Variants in PLA2R1 observed in about 807,000 individuals in gnomAD.
PLA2R1 encodes the protein phospholipase A2 receptor 1.
In PLA2R1, 158 loss-of-function variants were observed where a neutral mutation model predicts 195.9. The ratio of observed to expected loss-of-function variants is 0.81; its 90% confidence interval spans 0.71 to 0.92. The LOEUF (loss-of-function observed/expected upper bound fraction) is 0.92. Ranked by LOEUF, PLA2R1 falls within the 40% of genes least tolerant of loss-of-function variation. The probability of loss-of-function intolerance (pLI) is 0.00; values close to 1 mark genes in which losing one functional copy is unlikely to be tolerated. For synonymous variants in PLA2R1, 586 were observed against 598.2 expected, an observed-to-expected ratio of 0.98 and a Z score of 0.30; for missense variants, 1,626 against 1,764.6, an observed-to-expected ratio of 0.92 and a Z score of 1.41.
At chr2:160,060,823 G>T (rs530019990) in intron 1 of PLA2R1, among the ~76,000 whole-genome samples, 2 of 152,290 alleles carry the variant, frequency 1.3e-5, no homozygotes, top group South Asian at 2.1e-4. Context: ...ACCACCTAGT[G>T]CCCAGGCAAA....
intron 3 of PLA2R1, among the ~76,000 whole-genome samples, chr2:160,036,355 AGTTCTTAGGAGTGAGAAGTCCTACTCCTG>A (rs1237194605): frequency 1.3e-5 from 2 of 152,158 alleles, no homozygotes; most frequent in African/African-American, 4.8e-5. Context: ...CTAGCCTCCA[AGTTCTTAGGAGTGAGAAGTCCTACTCCTG>A]GTTAAAAACC....
At chr2:159,958,560 A>G (rs958726614) in intron 20 of PLA2R1, among the ~76,000 whole-genome samples, 13 of 152,140 alleles carry the variant, frequency 8.5e-5, no homozygotes, top group African/African-American at 3.1e-4. Flanking sequence ...CAGAGAGACT[A>G]AGTCTTACTC....
chr2:159,926,637 T>C, the PLA2R1 span, among the ~76,000 whole-genome samples: 1 of 152,204 alleles, frequency 6.6e-6, no homozygotes, highest in Non-Finnish European at 1.5e-5. Context: ...AAGCTTGCTG[T>C]ATAAGTAGGG....
At chr2:159,993,088 A>C (rs190770314) in intron 11 of PLA2R1, among the ~76,000 whole-genome samples, 4 of 152,270 alleles carry the variant, frequency 2.6e-5, no homozygotes, top group Admixed American at 2.0e-4. Context: ...TTCACCATAG[A>C]GCAACCTCCA....
intron 27 of PLA2R1, chr2:159,946,114 T>C (rs1195969761): frequency 1.3e-6 from 1 of 781,478 alleles, no homozygotes; most frequent in African/African-American, 1.9e-5. Flanking sequence ...GTGTGGGCAA[T>C]AGTGTATTGT....
intron 4 of PLA2R1, among the ~76,000 whole-genome samples, chr2:160,029,898 G>C (rs1273227923): frequency 6.6e-6 from 1 of 152,236 alleles, no homozygotes; most frequent in Non-Finnish European, 1.5e-5. Flanking sequence ...ACCTGATTCA[G>C]AGCCCAATTT....
chr2:160,013,675 T>TTCTCTCTCTCTCTCTCTCTC (rs1194944207), intron 9 of PLA2R1, among the ~76,000 whole-genome samples: 1 of 65,652 alleles, frequency 1.5e-5, no homozygotes, highest in Non-Finnish European at 4.0e-5. Flanking sequence ...ACCTCTCTCT[T>TTCTCTCTCTCTCTCTCTCTC]TCTCTCTCTC....
At chr2:160,026,167 A>C (rs1345766814) in intron 6 of PLA2R1, among the ~76,000 whole-genome samples, 1 of 152,220 alleles carries the variant, frequency 6.6e-6, no homozygotes, top group Non-Finnish European at 1.5e-5. Context: ...AAAAAATAGT[A>C]AAAAAGTAAA....
intron 1 of PLA2R1, among the ~76,000 whole-genome samples, chr2:160,050,868 G>T (rs1362057757): frequency 6.6e-6 from 1 of 152,184 alleles, no homozygotes; most frequent in Non-Finnish European, 1.5e-5. Context: ...CAGACTGGAG[G>T]TACCTAGAGG....
intron 20 of PLA2R1, among the ~76,000 whole-genome samples, chr2:159,966,971 T>C (rs1688829662): frequency 6.6e-6 from 1 of 152,130 alleles, no homozygotes; most frequent in Non-Finnish European, 1.5e-5. Flanking sequence ...CAAATCTGCA[T>C]GGAAGCACCA....
chr2:160,037,862 T>C lies in PLA2R1; in HGVS notation c.667+4163A>G, dbSNP rs893498651. ...CTTGTAATACTGTATTTTCTTAAGG[T>C]AGAACTTATGACAAACTGTAATTAT... On this transcript the variant is annotated intron_variant, in intron 3 of 29. Transcript: ENST00000283243. Among the ~76,000 whole-genome samples, 60 of 152,234 alleles carry C rather than the reference T, an allele frequency of 3.9e-4. 2 individuals are homozygous for C. Among genetic ancestry groups the C allele is most frequent in the Admixed American group, 3.8e-3 (58 of 15,284 alleles).
chr2:159,975,727 T>C (rs1689500377), intron 17 of PLA2R1, among the ~76,000 whole-genome samples: 1 of 152,042 alleles, frequency 6.6e-6, no homozygotes, highest in African/African-American at 2.4e-5. Flanking sequence ...GGAATTTGGG[T>C]CTTTTTTAAT....
In PLA2R1 at chr2:160,057,542, T is replaced by C. The variant is rs562888859; in HGVS notation, c.109+4753A>G. 1.3e-3 allele frequency among the ~76,000 whole-genome samples: 200 copies of C among 152,320 alleles called. 5 individuals carry two copies. The highest frequency in any genetic ancestry group is 1.2e-3 in the Admixed American group (18 of 15,302). The stretch of plus-strand genomic sequence containing the variant: ...AATGCTCAGTCTCCTTTTTCCTATA[T>C]GGTAACTGCCTACTTATCCTTTAGG... On this transcript the variant is annotated intron_variant, in intron 1 of 29. Transcript: ENST00000283243.
At chr2:159,958,742 C>T (rs1688260493) in intron 20 of PLA2R1, among the ~76,000 whole-genome samples, 1 of 152,180 alleles carries the variant, frequency 6.6e-6, no homozygotes, top group African/African-American at 2.4e-5. Flanking sequence ...ATAATGCCTG[C>T]AGATATTTTT....
intron 28 of PLA2R1, among the ~76,000 whole-genome samples, chr2:159,943,123 T>C (rs754576125): frequency 2.6e-5 from 4 of 151,896 alleles, no homozygotes; most frequent in Non-Finnish European, 5.9e-5. Flanking sequence ...GTGTGTGCCA[T>C]CACACCTGGC....
chr2:160,048,046 TGGTCTCAAACTCCTG>T (rs1694989335), intron 1 of PLA2R1, among the ~76,000 whole-genome samples: 5 of 152,038 alleles, frequency 3.3e-5, no homozygotes, highest in Admixed American at 3.3e-4. Flanking sequence ...TTGCCCAGGA[TGGTCTCAAACTCCTG>T]GGCTCAAGCA....
intron 27 of PLA2R1, 167 bp downstream of exon 27, chr2:159,946,634 A>T: frequency 7.4e-7 from 1 of 1,355,496 alleles, no homozygotes; most frequent in Non-Finnish European, 9.5e-7. Flanking sequence ...CAAAAGGGTA[A>T]AGAAAAGGGT....
intron 14 of PLA2R1, among the ~76,000 whole-genome samples, chr2:159,979,562 G>C (rs1177171466): frequency 1.3e-5 from 2 of 152,184 alleles, no homozygotes; most frequent in Non-Finnish European, 2.9e-5. Flanking sequence ...CTCTGCCAGA[G>C]AGACTTCATA....
chr2:160,041,997 A>T, intron 3 of PLA2R1, 28 bp downstream of exon 3: 1 of 1,569,508 alleles, frequency 6.4e-7, no homozygotes, highest in African/African-American at 1.3e-5. Flanking sequence ...CATTCATGAC[A>T]TATAGAGAAG....
Sources: allele counts gnomAD v4.1 joint callset (sites outside exome capture counted in the v4.1 genomes callset), GRCh38; gene constraint gnomAD v4.1.1; transcripts MANE v1.5; gene names NCBI Gene and HGNC (gene_info 2026-07-23, HGNC 2026-07-21).